The following CADPS2 variants were observed in gnomAD, a reference collection of about 807,000 sequenced individuals.
The protein encoded by CADPS2 is calcium-dependent secretion activator 2.
Under a neutral mutation model 172.5 loss-of-function variants are expected in CADPS2, and 93 were observed. The observed-to-expected ratio is 0.54, with a 90% CI of 0.46 to 0.64. CADPS2 has a LOEUF of 0.64. CADPS2 is among the 30% of genes least tolerant of loss of function. The pLI is 0.00. For synonymous variants in CADPS2, 546 were observed against 555.2 expected, an observed-to-expected ratio of 0.98 and a Z score of 0.23; for missense variants, 1,420 against 1,565.9, an observed-to-expected ratio of 0.91 and a Z score of 1.57.
intron 19 of CADPS2, chr7:122,412,879 A>G (rs1378968991): frequency 6.6e-6 from 1 of 152,258 alleles, no homozygotes; most frequent in Non-Finnish European, 1.5e-5. Flanking sequence ...GGACATCACC[A>G]GGTTTGCATT....
At chr7:122,501,719 CAA>C in intron 9 of CADPS2, among the ~76,000 whole-genome samples, 1 of 150,464 alleles carries the variant, frequency 6.6e-6, no homozygotes, top group East Asian at 2.0e-4. Context: ...ACTAAAAATA[CAA>C]AAAATTAGCC....
At chr7:122,450,581 G>A (rs1169855045) in intron 15 of CADPS2, among the ~76,000 whole-genome samples, 1 of 138,056 alleles carries the variant, frequency 7.2e-6, no homozygotes, top group Non-Finnish European at 1.5e-5. Context: ...CCAGGCTGGA[G>A]TGCAGTGGTG....
intron 7 of CADPS2, among the ~76,000 whole-genome samples, chr7:122,559,639 C>T (rs903900164): frequency 7.9e-5 from 12 of 151,568 alleles, no homozygotes; most frequent in East Asian, 1.9e-4. Context: ...GGCATGGTGG[C>T]GGGTGCCTGT....
chr7:122,597,390 A>G (rs2071987241), intron 6 of CADPS2, among the ~76,000 whole-genome samples: 1 of 152,068 alleles, frequency 6.6e-6, no homozygotes, highest in Admixed American at 6.6e-5. Context: ...CACTGCTGCT[A>G]TGGTCTGAAT....
chr7:122,505,834 T>C (rs947573941), intron 9 of CADPS2, among the ~76,000 whole-genome samples: 8 of 151,924 alleles, frequency 5.3e-5, no homozygotes, highest in African/African-American at 1.7e-4. Flanking sequence ...TTTTAGTTCC[T>C]TTAATATCCC....
chr7:122,842,676 GAAC>G (rs1440131014), intron 1 of CADPS2, among the ~76,000 whole-genome samples: 1 of 152,104 alleles, frequency 6.6e-6, no homozygotes, highest in Non-Finnish European at 1.5e-5. Flanking sequence ...ATAAGCATGT[GAAC>G]AATATATGGG....
chr7:122,475,056 G>A (rs1044287870), intron 12 of CADPS2, among the ~76,000 whole-genome samples: 2 of 152,164 alleles, frequency 1.3e-5, no homozygotes, highest in Non-Finnish European at 2.9e-5. Flanking sequence ...AGGAAAAAGG[G>A]AGCATCATGT....
chr7:122,435,798 T>C (rs1435958155), intron 17 of CADPS2, among the ~76,000 whole-genome samples: 2 of 152,102 alleles, frequency 1.3e-5, no homozygotes, highest in South Asian at 2.1e-4. Flanking sequence ...AAATGCATAA[T>C]ATACATACAA....
Position 122,886,073 on chromosome 7 carries a change from C to T in CADPS2, c.265G>A (p.Val89Ile). 3 of 1,598,952 alleles carry T rather than the reference C, an allele frequency of 1.9e-6. No homozygotes were observed. Among genetic ancestry groups the T allele is most frequent in the Non-Finnish European group, 2.6e-6 (3 of 1,173,242 alleles). The change falls in exon 1 of 30, where the codon GTC (valine) becomes ATC (isoleucine). Residue 89 changes from valine (V) to isoleucine (I), a missense_variant. Val to Ile is a conservative substitution (Grantham distance 29). Coordinates refer to ENST00000449022, the MANE Select transcript of CADPS2 (RefSeq NM_017954.11). The part of the protein sequence containing the change: ...QERRIRLQLY[V>I]FVVRCIAYPF... ...TACGCGATGCACCTCACGACGAAGACGTAGAGCTGCAGGCGGATCCTCCGC... is the reference window on the plus strand; with the variant it reads ...TACGCGATGCACCTCACGACGAAGATGTAGAGCTGCAGGCGGATCCTCCGC...
intron 27 of CADPS2, among the ~76,000 whole-genome samples, chr7:122,358,416 TTTTC>T (rs1379316611): frequency 1.3e-5 from 2 of 152,154 alleles, no homozygotes; most frequent in African/African-American, 4.8e-5. Flanking sequence ...CATTTGTGGC[TTTTC>T]TTTCTCTTAA....
At chr7:122,790,146 C>T (rs1409937156) in intron 1 of CADPS2, among the ~76,000 whole-genome samples, 3 of 151,224 alleles carry the variant, frequency 2.0e-5, no homozygotes, top group South Asian at 4.2e-4. Flanking sequence ...CCTGTCATCC[C>T]AGCAATTTGG....
intron 13 of CADPS2, 26 bp downstream of exon 13, chr7:122,474,355 A>G: frequency 3.1e-6 from 5 of 1,602,416 alleles, no homozygotes; most frequent in Non-Finnish European, 3.4e-6. Context: ...TCCAACTTAT[A>G]GGGGACTAGA....
intron 2 of CADPS2, among the ~76,000 whole-genome samples, chr7:122,674,718 A>G (rs2082225934): frequency 6.6e-6 from 1 of 152,212 alleles, no homozygotes; most frequent in Non-Finnish European, 1.5e-5. Flanking sequence ...TAATGACGAG[A>G]AAAACATTAT....
At position 122,557,996 on chromosome 7, in the gene CADPS2, G is replaced by A. The variant is rs547588238; in HGVS notation, c.1336-3307C>T. Among the ~76,000 whole-genome samples the A allele has an allele frequency of 1.8e-4, 28 of 152,220 alleles. 1 individual carries two copies. The East Asian group carries it at 5.0e-3, about 27-fold the overall frequency. ...CAGAGAACACCAATACCTAGGAAAC[G>A]AAAGAAATCAGAGCCCTAAATCACC... On this transcript the variant is annotated intron_variant, in intron 7 of 29. Coordinates refer to ENST00000449022, the MANE Select transcript of CADPS2 (RefSeq NM_017954.11).
intron 18 of CADPS2, among the ~76,000 whole-genome samples, chr7:122,415,601 CA>C (rs549530021): frequency 0.09 from 5,850 of 64,954 alleles, 272 homozygotes; most frequent in African/African-American, 0.25. Context: ...AATACAGAAC[CA>C]AAAAAAAAAA....
At chr7:122,858,600 CAT>C (rs767811154) in intron 1 of CADPS2, among the ~76,000 whole-genome samples, 38 of 152,302 alleles carry the variant, frequency 2.5e-4, no homozygotes, top group Non-Finnish European at 4.4e-4. Flanking sequence ...TTTTAAAAGC[CAT>C]ATGTGTTTCA....
intron 4 of CADPS2, among the ~76,000 whole-genome samples, chr7:122,625,459 A>C (rs2075998947): frequency 6.6e-6 from 1 of 152,224 alleles, no homozygotes; most frequent in East Asian, 1.9e-4. Flanking sequence ...TAACATTTAC[A>C]ATCAGTAAAT....
chr7:122,712,150 GT>G (rs1323595945), intron 2 of CADPS2, among the ~76,000 whole-genome samples: 8 of 151,958 alleles, frequency 5.3e-5, no homozygotes, highest in African/African-American at 1.9e-4. Flanking sequence ...TGAAAACAAT[GT>G]TACTTTTTCC....
rs150134157 is a variant in CADPS2 at position 122,769,538 on chromosome 7, C to T, written c.340-32470G>A. Among the ~76,000 whole-genome samples, 28 of 152,320 alleles carry T rather than the reference C, an allele frequency of 1.8e-4. No individual in the cohort carries two copies. In the East Asian group the frequency reaches 2.1e-3, roughly 12 times the overall value. The stretch of plus-strand genomic sequence containing the variant: ...AAGTTTCAAAGCACAGAGCTTAAAA[C>T]GGAGAATTCCTCCTCTAAATCATGC... On this transcript the variant is annotated intron_variant, in intron 1 of 29. Transcript: ENST00000449022.
Sources: allele counts gnomAD v4.1 joint callset (sites outside exome capture counted in the v4.1 genomes callset), GRCh38; gene constraint gnomAD v4.1.1; transcripts MANE v1.5; gene names NCBI Gene and HGNC (gene_info 2026-07-23, HGNC 2026-07-21).